The following PDE4D variants were observed in gnomAD, a reference collection of about 807,000 sequenced individuals.
The protein encoded by PDE4D is 3',5'-cyclic-AMP phosphodiesterase 4D.
In PDE4D, 24 loss-of-function variants were observed where a neutral mutation model predicts 87.4. That is an observed-to-expected ratio of 0.27 (90% CI 0.20 to 0.39). The LOEUF is 0.39. PDE4D is among the 10% of genes least tolerant of loss of function. PDE4D has a pLI of 1.00. For synonymous variants in PDE4D, 384 were observed against 383.2 expected (o/e 1.00, Z -0.02); for missense variants, 714 against 1,041.0 (o/e 0.69, Z 4.32).
At chr5:59,120,908 A>G (rs1276154147) in intron 5 of PDE4D, among the ~76,000 whole-genome samples, 2 of 152,202 alleles carry the variant, frequency 1.3e-5, no homozygotes, top group Non-Finnish European at 2.9e-5. Flanking sequence ...GTAGACAGAG[A>G]GCATAATGAT....
chr5:58,982,291 C>T (rs1745367210), intron 11 of PDE4D, among the ~76,000 whole-genome samples: 3 of 152,130 alleles, frequency 2.0e-5, no homozygotes, highest in Non-Finnish European at 4.4e-5. Context: ...GAGAACCTTG[C>T]CCCAGCCCTG....
intron 3 of PDE4D, among the ~76,000 whole-genome samples, chr5:59,907,076 C>T (rs983553697): frequency 6.6e-5 from 10 of 152,064 alleles, no homozygotes; most frequent in African/African-American, 2.4e-4. Flanking sequence ...ATGTCACTGG[C>T]GGGAACACGG....
chr5:58,986,213 T>C (rs1746387960), intron 11 of PDE4D, among the ~76,000 whole-genome samples: 1 of 152,232 alleles, frequency 6.6e-6, no homozygotes, highest in African/African-American at 2.4e-5. Flanking sequence ...GCAAAATGAC[T>C]TTAAACAGAC....
At chr5:59,163,429 G>A (rs923671540) in intron 5 of PDE4D, among the ~76,000 whole-genome samples, 3 of 151,888 alleles carry the variant, frequency 2.0e-5, no homozygotes, top group Non-Finnish European at 2.9e-5. Context: ...GTGCCACCAC[G>A]CCTGGCTAAT....
intron 1 of PDE4D, among the ~76,000 whole-genome samples, chr5:60,427,055 T>G (rs37692): frequency 6.6e-6 from 1 of 151,998 alleles, no homozygotes; most frequent in Non-Finnish European, 1.5e-5. Flanking sequence ...AACTAAGATT[T>G]AGGAATAGGT....
At chr5:59,996,849 G>T (rs902338421) in intron 2 of PDE4D, among the ~76,000 whole-genome samples, 2 of 152,042 alleles carry the variant, frequency 1.3e-5, no homozygotes, top group Non-Finnish European at 2.9e-5. Flanking sequence ...TCTACCTCAG[G>T]TTAACACAAA....
intron 1 of PDE4D, among the ~76,000 whole-genome samples, chr5:59,378,791 T>G (rs1019198575): frequency 3.9e-5 from 6 of 152,174 alleles, no homozygotes; most frequent in African/African-American, 1.4e-4. Flanking sequence ...CTTCAAAATT[T>G]TTATACCAGG....
intron 5 of PDE4D, among the ~76,000 whole-genome samples, chr5:59,070,489 T>C (rs1246910442): frequency 6.6e-6 from 1 of 152,178 alleles, no homozygotes; most frequent in Non-Finnish European, 1.5e-5. Flanking sequence ...TTTTTGGGCA[T>C]TGCTTATTGA....
intron 1 of PDE4D, among the ~76,000 whole-genome samples, chr5:60,186,682 T>C (rs1583009179): frequency 6.6e-6 from 1 of 152,124 alleles, no homozygotes; most frequent in African/African-American, 2.4e-5. Flanking sequence ...TTTGGGTTTG[T>C]TGTAAGCTTC....
intron 3 of PDE4D, chr5:59,988,210 C>T (rs1053530558): frequency 3.1e-6 from 1 of 318,186 alleles, no homozygotes. Flanking sequence ...TCACATATGG[C>T]CAATATTAAT....
In PDE4D at chr5:59,642,765, A is replaced by T. The variant is rs141744992; in HGVS notation, c.455+250403T>A. On this transcript the variant is annotated intron_variant, in intron 1 of 14. Transcript: ENST00000340635. ...CTAAGAACAAAATCCTAAAAAATAC[A>T]CTACAAGGTGTTAGAGTCATTCTAT... Among the ~76,000 whole-genome samples, 279 of 152,242 alleles carry T rather than the reference A, an allele frequency of 1.8e-3. 2 individuals carry two copies. Among genetic ancestry groups the T allele is most frequent in the African/African-American group, 5.3e-3 (222 of 41,574 alleles).
At chr5:59,932,182 A>G (rs1372884530) in intron 3 of PDE4D, among the ~76,000 whole-genome samples, 1 of 152,244 alleles carries the variant, frequency 6.6e-6, no homozygotes, top group East Asian at 1.9e-4. Context: ...TTATGATAGT[A>G]TAAATAGAAA....
intron 2 of PDE4D, among the ~76,000 whole-genome samples, chr5:60,045,276 G>A (rs534013078): frequency 6.6e-6 from 1 of 151,962 alleles, no homozygotes; most frequent in South Asian, 2.1e-4. Flanking sequence ...TTTGTCAGAT[G>A]AGTAGGTTGT....
upstream of PDE4D, chr5:60,490,518 C>A (rs1749476098): frequency 1.3e-5 from 2 of 152,192 alleles, no homozygotes; most frequent in Admixed American, 6.5e-5. Context: ...TACTAATGCA[C>A]CACGTCAGTC....
chr5:59,371,937 C>A (rs1784002610), intron 1 of PDE4D, among the ~76,000 whole-genome samples: 1 of 152,144 alleles, frequency 6.6e-6, no homozygotes, highest in South Asian at 2.1e-4. Flanking sequence ...GGACTCTGAA[C>A]CTCCTGGGGC....
chr5:59,442,520 C>A (rs907123696), intron 1 of PDE4D, among the ~76,000 whole-genome samples: 1 of 152,168 alleles, frequency 6.6e-6, no homozygotes, highest in Non-Finnish European at 1.5e-5. Flanking sequence ...CACAGGAGCA[C>A]ATAATGTGAG....
intron 1 of PDE4D, among the ~76,000 whole-genome samples, chr5:59,827,628 AT>A (rs1191200224): frequency 2.0e-5 from 3 of 152,132 alleles, no homozygotes; most frequent in African/African-American, 7.2e-5. Flanking sequence ...AGAAAATATA[AT>A]TTAGAAAGAG....
intron 2 of PDE4D, among the ~76,000 whole-genome samples, chr5:60,057,890 C>T (rs1273392431): frequency 6.6e-6 from 1 of 151,942 alleles, no homozygotes; most frequent in African/African-American, 2.4e-5. Flanking sequence ...AAAAGCTTAA[C>T]ATCTGATATA....
intron 2 of PDE4D, among the ~76,000 whole-genome samples, chr5:60,156,003 A>G (rs1781939178): frequency 6.6e-6 from 1 of 152,180 alleles, no homozygotes; most frequent in African/African-American, 2.4e-5. Context: ...AAGCTGCTCA[A>G]TTTAGGTACC....
Sources: allele counts gnomAD v4.1 joint callset (sites outside exome capture counted in the v4.1 genomes callset), GRCh38; gene constraint gnomAD v4.1.1; transcripts MANE v1.5; gene names NCBI Gene and HGNC (gene_info 2026-07-23, HGNC 2026-07-21).